The following PRAMEF20 variants were observed in gnomAD, a reference collection of about 807,000 sequenced individuals.
PRAMEF20 encodes the protein PRAME family member 20/21.
Under a neutral mutation model 32.4 loss-of-function variants are expected in PRAMEF20, and 27 were observed. The ratio of observed to expected loss-of-function variants is 0.83; its 90% CI spans 0.61 to 1.15. The LOEUF is 1.15. Among genes scored for constraint, PRAMEF20 ranks in the 50% most tolerant of loss-of-function variants. PRAMEF20 has a pLI of 0.00. For missense variants in PRAMEF20, 604 were observed against 584.5 expected, an observed-to-expected ratio of 1.03 and a Z score of -0.34; for synonymous variants, 256 against 235.4, an observed-to-expected ratio of 1.09 and a Z score of -0.80.
the PRAMEF20 span, among the ~76,000 whole-genome samples, chr1:13,410,698 A>T: frequency 6.6e-6 from 1 of 150,704 alleles, no homozygotes; most frequent in Admixed American, 6.6e-5. Flanking sequence ...ATTTCAAAAA[A>T]TTTGATTTGT....
At position 13,416,658 on chromosome 1, in the gene PRAMEF20, G is replaced by T; in HGVS notation, c.287+17G>T. 6.2e-7 allele frequency: 1 copy of T among 1,613,946 alleles called. No individual in the cohort carries two copies. The highest frequency in any genetic ancestry group is 8.5e-7 in the Non-Finnish European group (1 of 1,179,916). ...TCGTCTCAGGTGAGGTGGCCCAAGT[G>T]GGCTGGTGGGGAGGGCCCAGGTGTC... On this transcript the variant is annotated intron_variant, in intron 1 of 2. Coordinates refer to ENST00000602960, the Ensembl canonical transcript of PRAMEF20.
At chr1:13,415,640 G>A (rs1487909257), upstream of PRAMEF20, among the ~76,000 whole-genome samples, 1 of 151,822 alleles carries the variant, frequency 6.6e-6, no homozygotes, top group African/African-American at 2.4e-5. Flanking sequence ...AAACTAAAAG[G>A]TTAGCTGGGC....
At chr1:13,419,937 CAG>C (rs1283954222) in intron 2 of PRAMEF20, among the ~76,000 whole-genome samples, 2 of 152,066 alleles carry the variant, frequency 1.3e-5, no homozygotes, top group Non-Finnish European at 2.9e-5. Context: ...GATTCTGAAA[CAG>C]AGGGTCAGGG....
chr1:13,416,300 T>C, upstream of PRAMEF20: 8 of 1,611,886 alleles, frequency 5.0e-6, no homozygotes, highest in Non-Finnish European at 6.8e-6. Context: ...GGCCTGAGAG[T>C]GATGCCTTTT....
chr1:13,415,111 T>C (rs1641155625), upstream of PRAMEF20, among the ~76,000 whole-genome samples: 1 of 149,878 alleles, frequency 6.7e-6, no homozygotes, highest in Non-Finnish European at 1.5e-5. Context: ...TGGAGTTTCA[T>C]TCATGTCGCC....
chr1:13,411,163 C>T, the PRAMEF20 span, among the ~76,000 whole-genome samples: 1 of 152,122 alleles, frequency 6.6e-6, no homozygotes, highest in African/African-American at 2.4e-5. Flanking sequence ...CCAGCCTCTA[C>T]ATAAAATGTT....
upstream of PRAMEF20, among the ~76,000 whole-genome samples, chr1:13,414,117 C>A (rs1641138486): frequency 2.0e-5 from 3 of 152,182 alleles, no homozygotes; most frequent in Admixed American, 6.5e-5. Flanking sequence ...TCTCAGCTCA[C>A]TGCAACCTCC....
rs1275843024 is a variant in PRAMEF20 at position 13,417,734 on chromosome 1, CTTT to C, written c.288-373_288-371del. ...TGAAGTATAAGTTCAGAAGTGAGTC[CTTT>C]TTTTTTTTTTTTTTCTGAGACGGAG... is the stretch of plus-strand genomic sequence containing the variant. On this transcript the variant is annotated intron_variant, in intron 1 of 2. Coordinates refer to ENST00000602960, the Ensembl canonical transcript of PRAMEF20. Among the ~76,000 whole-genome samples the C allele has an allele frequency of 1.9e-4, 24 of 125,546 alleles. 1 individual carries two copies. Among genetic ancestry groups the C allele is most frequent in the Admixed American group, 9.0e-4 (11 of 12,262 alleles). The allele number at this position is 125,546 out of a possible 152,430, so 82.4% of individuals were successfully genotyped here.
upstream of PRAMEF20, chr1:13,416,290 G>T: frequency 6.2e-7 from 1 of 1,609,166 alleles, no homozygotes. Flanking sequence ...GCATGGGCTT[G>T]GCCTGAGAGT....
intron 2 of PRAMEF20, among the ~76,000 whole-genome samples, chr1:13,420,179 G>C (rs1474521400): frequency 6.6e-6 from 1 of 152,108 alleles, no homozygotes; most frequent in Non-Finnish European, 1.5e-5. Flanking sequence ...TCCTATAAAT[G>C]ATAGGGAAAA....
intron 1 of PRAMEF20, among the ~76,000 whole-genome samples, chr1:13,417,842 CATTAT>C (rs1308825705): frequency 2.7e-5 from 4 of 147,444 alleles, no homozygotes; most frequent in Non-Finnish European, 6.0e-5. Flanking sequence ...CCCGGGTTCA[CATTAT>C]TCTCCTGCCT....
At chr1:13,414,911 A>G (rs1201910520), upstream of PRAMEF20, among the ~76,000 whole-genome samples, 1 of 147,178 alleles carries the variant, frequency 6.8e-6, no homozygotes, top group Non-Finnish European at 1.5e-5. Flanking sequence ...GTGATTCTCC[A>G]GCTTCAGCCT....
chr1:13,414,506 C>T (rs916815293), upstream of PRAMEF20, among the ~76,000 whole-genome samples: 167 of 151,768 alleles, frequency 1.1e-3, 1 homozygote, highest in African/African-American at 3.5e-3. Flanking sequence ...CCGACCAGGC[C>T]GGAGTGCAGT....
At chr1:13,412,368 T>C (rs2100427731), upstream of PRAMEF20, among the ~76,000 whole-genome samples, 1 of 152,266 alleles carries the variant, frequency 6.6e-6, no homozygotes, top group South Asian at 2.1e-4. Flanking sequence ...GCCCATGTCT[T>C]TGGGAGGAAA....
rs77164784 is a variant in PRAMEF20 at position 13,416,601 on chromosome 1, G to A, written c.247G>A (p.Asp83Asn). 3.5e-5 allele frequency: 57 copies of A among 1,614,032 alleles called. No homozygotes were observed. The African/African-American group carries it at 5.2e-4, about 15-fold the overall frequency. The stretch of plus-strand genomic sequence containing the variant: ...CCCAGAGACCTTCCAAGCTGTGCTC[G>A]ATGGGCTTGATGCACTGCTTACCCA... The change falls in exon 1 of 3, where the codon GAT becomes AAT. Residue 83 changes from aspartate to asparagine, a missense_variant. Coordinates refer to ENST00000602960, the Ensembl canonical transcript of PRAMEF20.
At chr1:13,416,690 A>G in intron 1 of PRAMEF20, 49 bp downstream of exon 2, 1 of 1,613,290 alleles carries the variant, frequency 6.2e-7, no homozygotes, top group Non-Finnish European at 8.5e-7. Flanking sequence ...TGTCCAACAG[A>G]AGGAACAGCT....
chr1:13,418,035 A>G (rs1329980553), intron 1 of PRAMEF20, 87 bp from the exon 3 acceptor site: 2 of 1,605,210 alleles, frequency 1.2e-6, no homozygotes, highest in Non-Finnish European at 1.7e-6. Flanking sequence ...TGGCCTCCCA[A>G]AGTGCTGGGA....
At chr1:13,412,905 G>A (rs1307711155), upstream of PRAMEF20, among the ~76,000 whole-genome samples, 4 of 150,678 alleles carry the variant, frequency 2.7e-5, no homozygotes, top group African/African-American at 9.7e-5. Flanking sequence ...GCCTGGGCTA[G>A]GAAATGAGAC....
exon 2 of PRAMEF20, chr1:13,418,652 A>G: frequency 1.9e-6 from 3 of 1,613,950 alleles, no homozygotes; most frequent in Non-Finnish European, 2.5e-6. Context: ...CAAAAGCTTT[A>G]TATGAACTCT....
Sources: gnomAD v4.1 joint callset for allele counts (sites outside exome capture counted in the v4.1 genomes callset) on GRCh38, gnomAD v4.1.1 for gene constraint, MANE v1.5 for transcripts, NCBI Gene and HGNC (gene_info 2026-07-23, HGNC 2026-07-21) for gene names.